The following KLHL12 variants were observed in gnomAD, a reference collection of about 807,000 sequenced individuals.
KLHL12 encodes the protein kelch like family member 12.
KLHL12 carries 17 observed loss-of-function variants against 60.8 expected under a neutral mutation model. That is an observed-to-expected ratio of 0.28 (90% CI 0.19 to 0.42). The LOEUF is 0.42. KLHL12 is among the 10% of genes least tolerant of loss of function. KLHL12 has a pLI of 1.00. For missense variants in KLHL12, 468 were observed against 722.3 expected, an observed-to-expected ratio of 0.65 and a Z score of 4.04; for synonymous variants, 220 against 250.9, an observed-to-expected ratio of 0.88 and a Z score of 1.16.
In KLHL12 at chr1:202,895,996, C is replaced by A. The variant is rs1180376440; in HGVS notation, c.940-279G>T. On this transcript the variant is annotated intron_variant, in intron 7 of 11. Transcript: ENST00000367261. The surrounding 1 kb of genome is among the most constrained non-coding windows in gnomAD (Gnocchi z 4.2). ...GCTTTCTGTTATCCAATATCTGACT[C>A]CTTTCTCTTCCATAAGGCACTGGGC... Among the ~76,000 whole-genome samples the A allele has an allele frequency of 6.6e-6, 1 of 152,184 alleles. No individual in the cohort carries two copies. Among genetic ancestry groups the A allele is most frequent in the Non-Finnish European group, 1.5e-5 (1 of 68,040 alleles).
At chr1:202,921,598 A>C (rs1057330347) in intron 2 of KLHL12, among the ~76,000 whole-genome samples, 17 of 152,216 alleles carry the variant, frequency 1.1e-4, no homozygotes, top group African/African-American at 3.9e-4. Context: ...GGTTAGACTA[A>C]CTGAATTGTT....
Position 202,893,123 on chromosome 1 carries a change from C to T in KLHL12, c.1580+116G>A, listed in dbSNP as rs868581015. The T allele has an allele frequency of 1.4e-6, 1 of 728,906 alleles. No homozygotes were observed. The highest frequency in any genetic ancestry group is 4.3e-4 in the Middle Eastern group (1 of 2,346). 45.2% of individuals were successfully genotyped at this position (728,906 alleles called of 1,614,324 possible). On this transcript the variant is annotated intron_variant, in intron 11 of 11. Coordinates refer to ENST00000367261, the MANE Select transcript of KLHL12 (RefSeq NM_021633.4). The surrounding 1 kb of genome is among the most constrained non-coding windows in gnomAD (Gnocchi z 4.1). Reference sequence around the variant, plus strand: ...AAATCTAATAAAAAAAATCAAGTTGCCACTGGAGATGTCTACCCCTACCCA... The same window carrying T: ...AAATCTAATAAAAAAAATCAAGTTGTCACTGGAGATGTCTACCCCTACCCA...
At chr1:202,918,042 G>T (rs1439103908) in intron 4 of KLHL12, 129 bp downstream of exon 4, 3 of 721,414 alleles carry the variant, frequency 4.2e-6, no homozygotes, top group Non-Finnish European at 7.1e-6. Flanking sequence ...TACAGGAGGG[G>T]TTAATGAAAT....
At chr1:202,921,707 G>A (rs557436898) in intron 2 of KLHL12, among the ~76,000 whole-genome samples, 3 of 152,122 alleles carry the variant, frequency 2.0e-5, no homozygotes, top group Non-Finnish European at 4.4e-5. Flanking sequence ...GCTAAGAGAA[G>A]AAATCTTCAA....
In KLHL12 at chr1:202,918,167, G is replaced by A. The variant is rs2275734; in HGVS notation, c.567+4C>T. ...GAAACCATAACATCAAGACAAATCC[G>A]TACCTGAATTTCGTCGCACTTGATT... On this transcript the variant is annotated splice_donor_region_variant and intron_variant, in intron 4 of 11. Coordinates refer to ENST00000367261, the MANE Select transcript of KLHL12 (RefSeq NM_021633.4). The A allele has an allele frequency of 0.58, 925,102 of 1,603,012 alleles. 273,267 individuals are homozygous for A. Among genetic ancestry groups the A allele is most frequent in the Non-Finnish European group, 0.61 (716,144 of 1,170,340 alleles).
chr1:202,917,470 A>G (rs1660558007), intron 4 of KLHL12, among the ~76,000 whole-genome samples: 1 of 152,198 alleles, frequency 6.6e-6, no homozygotes, highest in South Asian at 2.1e-4. Flanking sequence ...TCAGCCTCCC[A>G]AAGTGCTGGG....
chr1:202,926,846 CCTAAT>C (rs1178822191), intron 1 of KLHL12, among the ~76,000 whole-genome samples: 2 of 152,196 alleles, frequency 1.3e-5, no homozygotes, highest in Non-Finnish European at 2.9e-5. Flanking sequence ...AGTCCTTCCT[CCTAAT>C]ACCACCAGGC....
At chr1:202,912,562 C>A in intron 4 of KLHL12, 1 of 1,127,432 alleles carries the variant, frequency 8.9e-7, no homozygotes, top group Non-Finnish European at 1.3e-6. Context: ...ATTTTGGCAA[C>A]TACAATAATC....
At chr1:202,903,023 T>C (rs1277268334) in intron 6 of KLHL12, among the ~76,000 whole-genome samples, 1 of 150,984 alleles carries the variant, frequency 6.6e-6, no homozygotes, top group Non-Finnish European at 1.5e-5. Context: ...TAGATCACCA[T>C]GGTGGCATAC....
At chr1:202,906,523 T>C (rs948016612) in intron 6 of KLHL12, among the ~76,000 whole-genome samples, 2 of 151,314 alleles carry the variant, frequency 1.3e-5, no homozygotes, top group Non-Finnish European at 2.9e-5. Flanking sequence ...GTTTATTGTT[T>C]AATGGGTACA....
intron 6 of KLHL12, among the ~76,000 whole-genome samples, chr1:202,899,553 G>C (rs1157917090): frequency 6.6e-6 from 1 of 151,526 alleles, no homozygotes; most frequent in Admixed American, 6.6e-5. Context: ...GCATGGCCAG[G>C]TGTGGCTCAT....
rs187249478 is a variant in KLHL12, at chr1:202,897,194, C to G, written c.833-234G>C. The stretch of plus-strand genomic sequence containing the variant: ...TTCTGGACATTAAAACTCTAGAAAG[C>G]AAACTTCAACATGACACTGCACCAT... On this transcript the variant is annotated intron_variant, in intron 6 of 11. Transcript: ENST00000367261. Among the ~76,000 whole-genome samples the G allele has an allele frequency of 1.4e-3, 206 of 150,680 alleles. 1 individual carries two copies. The highest frequency in any genetic ancestry group is 4.6e-3 in the African/African-American group (190 of 41,038).
intron 6 of KLHL12, among the ~76,000 whole-genome samples, chr1:202,899,768 A>G (rs570526325): frequency 6.6e-6 from 1 of 151,704 alleles, no homozygotes; most frequent in South Asian, 2.1e-4. Flanking sequence ...GGTTGCAGTG[A>G]GCCGAGATTG....
At chr1:202,905,825 G>A (rs1364618677) in intron 6 of KLHL12, among the ~76,000 whole-genome samples, 6 of 151,432 alleles carry the variant, frequency 4.0e-5, no homozygotes, top group Non-Finnish European at 8.8e-5. Context: ...TTTTTTTTTA[G>A]ACAGAGTCTC....
chr1:202,916,815 C>T (rs192594955), intron 4 of KLHL12, among the ~76,000 whole-genome samples: 12 of 151,808 alleles, frequency 7.9e-5, no homozygotes, highest in Non-Finnish European at 1.0e-4. Context: ...CCCATCTCAA[C>T]AAAAATTTTA....
At chr1:202,926,041 G>A (rs911956862) in intron 1 of KLHL12, among the ~76,000 whole-genome samples, 2 of 149,178 alleles carry the variant, frequency 1.3e-5, no homozygotes, top group South Asian at 2.1e-4. Context: ...GGAGGTGGAG[G>A]TTGCAGTGAG....
chr1:202,919,831 C>G lies in KLHL12; in HGVS notation c.273G>C (p.Val91=). The change falls in exon 3 of 12, where the codon GTG becomes GTC. Residue 91 remains valine, a synonymous_variant. Coordinates refer to ENST00000367261, the MANE Select transcript of KLHL12 (RefSeq NM_021633.4). ...CTGTCACATGTACTGTTTCTGTGTA[C>G]ACAAAGTCCAATAAAATTTCCATGG... is the stretch of plus-strand genomic sequence containing the variant. ...ASTMEILLDF[V]YTETVHVTVE... 6.2e-7 allele frequency: 1 copy of G among 1,613,848 alleles called. No individual in the cohort carries two copies. Among genetic ancestry groups the G allele is most frequent in the South Asian group, 1.1e-5 (1 of 91,058 alleles).
intron 4 of KLHL12, among the ~76,000 whole-genome samples, chr1:202,911,429 T>C (rs1047993968): frequency 1.4e-5 from 2 of 143,572 alleles, no homozygotes; most frequent in South Asian, 2.2e-4. Context: ...AATATATATA[T>C]ATACACACAC....
rs991683236 is a variant in KLHL12, at chr1:202,899,837, A to T, written c.833-2877T>A. 1.4e-3 allele frequency among the ~76,000 whole-genome samples: 214 copies of T among 150,194 alleles called. 1 individual carries two copies. The highest frequency in any genetic ancestry group is 5.1e-3 in the African/African-American group (208 of 40,430). On this transcript the variant is annotated intron_variant, in intron 6 of 11. Transcript: ENST00000367261. ...GACTCCATCTCAAAAAAAAAAAAAAAAAATAATAATAATAAATAAAAAAAT... is the reference window on the plus strand; with the variant it reads ...GACTCCATCTCAAAAAAAAAAAAAATAAATAATAATAATAAATAAAAAAAT...
Sources: allele counts gnomAD v4.1 joint callset (sites outside exome capture counted in the v4.1 genomes callset), GRCh38; gene constraint gnomAD v4.1.1; non-coding constraint Gnocchi (gnomAD v3.1); transcripts MANE v1.5; gene names NCBI Gene and HGNC (gene_info 2026-07-23, HGNC 2026-07-21).